The following NELL2 variants were observed in gnomAD, a reference collection of about 807,000 sequenced individuals.
NELL2 encodes the protein neural EGFL like 2.
Under a neutral mutation model 109.6 loss-of-function variants are expected in NELL2, and 41 were observed. That is an observed-to-expected ratio of 0.37 (90% CI 0.29 to 0.49). NELL2 has a LOEUF of 0.49. NELL2 is among the 20% of genes least tolerant of loss of function. The pLI is 0.98. For synonymous variants in NELL2, 355 were observed against 344.7 expected, an observed-to-expected ratio of 1.03 and a Z score of -0.33; for missense variants, 900 against 1,008.3, an observed-to-expected ratio of 0.89 and a Z score of 1.45.
chr12:44,540,001 G>T (rs191089092), intron 15 of NELL2, among the ~76,000 whole-genome samples: 22 of 152,238 alleles, frequency 1.4e-4, no homozygotes, highest in African/African-American at 4.6e-4. Flanking sequence ...TAACATGATA[G>T]TAAAATGATA....
intron 12 of NELL2, among the ~76,000 whole-genome samples, chr12:44,686,674 G>A (rs7958086): frequency 0.033 from 4,895 of 147,614 alleles, 382 homozygotes; most frequent in African/African-American, 0.12. Context: ...GTACCCGGCC[G>A]TGTGAGGTGT....
Position 44,566,650 on chromosome 12 carries a change from A to G in NELL2, c.1664-33929T>C, listed in dbSNP as rs561983422. On this transcript the variant is annotated intron_variant, in intron 15 of 19. Transcript: ENST00000429094. ...GCTGACCTGTAGCTGTAATCAGAAA[A>G]TCTGAGTTCAAATCTCGGCAATGGC... Among the ~76,000 whole-genome samples, 165 of 152,200 alleles carry G rather than the reference A, an allele frequency of 1.1e-3. 1 individual carries two copies. The highest frequency in any genetic ancestry group is 3.9e-3 in the African/African-American group (162 of 41,532).
chr12:44,621,723 G>A (rs1477369641), intron 13 of NELL2, among the ~76,000 whole-genome samples: 1 of 151,292 alleles, frequency 6.6e-6, no homozygotes, highest in Non-Finnish European at 1.5e-5. Flanking sequence ...CATCCACATA[G>A]AACCTCTTTG....
chr12:44,651,278 T>A (rs557237385), intron 13 of NELL2, among the ~76,000 whole-genome samples: 1 of 152,350 alleles, frequency 6.6e-6, no homozygotes, highest in African/African-American at 2.4e-5. Context: ...GGAATTTTTT[T>A]ATGGTAACAT....
intron 12 of NELL2, among the ~76,000 whole-genome samples, chr12:44,675,331 A>T (rs189555746): frequency 1.3e-5 from 2 of 152,140 alleles, no homozygotes; most frequent in Non-Finnish European, 2.9e-5. Flanking sequence ...AAACTTTGCA[A>T]TTCCAACAAA....
chr12:44,678,094 T>G (rs1562965), intron 12 of NELL2, among the ~76,000 whole-genome samples: 25,174 of 151,960 alleles, frequency 0.17, 2,178 homozygotes, highest in East Asian at 0.23. Context: ...TTAAAATGGA[T>G]ACCTGGGGGA....
intron 12 of NELL2, among the ~76,000 whole-genome samples, chr12:44,685,687 C>G (rs2136382936): frequency 6.6e-6 from 1 of 152,102 alleles, no homozygotes; most frequent in South Asian, 2.1e-4. Flanking sequence ...CTTAGTTTTG[C>G]TGGATATGAA....
At chr12:44,616,933 C>G (rs1234773072) in intron 13 of NELL2, among the ~76,000 whole-genome samples, 5 of 152,120 alleles carry the variant, frequency 3.3e-5, no homozygotes, top group African/African-American at 1.2e-4. Flanking sequence ...CTGAACTTGT[C>G]CACAGCACCT....
At chr12:44,837,709 G>A (rs988731807) in intron 2 of NELL2, among the ~76,000 whole-genome samples, 5 of 150,040 alleles carry the variant, frequency 3.3e-5, no homozygotes, top group Non-Finnish European at 7.4e-5. Flanking sequence ...TTCTTAAGTT[G>A]ATTCATATCT....
At chr12:44,832,325 A>G (rs1233862618) in intron 2 of NELL2, among the ~76,000 whole-genome samples, 1 of 152,232 alleles carries the variant, frequency 6.6e-6, no homozygotes, top group Non-Finnish European at 1.5e-5. Flanking sequence ...AGGCTTAGTT[A>G]AAGCAAGTAC....
chr12:44,873,026 G>A (rs1945209519), intron 2 of NELL2, among the ~76,000 whole-genome samples: 1 of 152,090 alleles, frequency 6.6e-6, no homozygotes, highest in Non-Finnish European at 1.5e-5. Context: ...CATGGCCAAA[G>A]GGCCACCTTT....
intron 1 of NELL2, among the ~76,000 whole-genome samples, chr12:44,905,172 G>A (rs1050085723): frequency 2.0e-5 from 3 of 151,998 alleles, no homozygotes; most frequent in Non-Finnish European, 4.4e-5. Context: ...TTGGATTTTG[G>A]AGAATTTCAG....
At position 44,854,155 on chromosome 12, in the gene NELL2, C is replaced by T. The variant is rs565653931; in HGVS notation, c.184+21070G>A. On this transcript the variant is annotated intron_variant, in intron 2 of 19. Transcript: ENST00000429094. ...ATTTTTTCTGGGACACTTAATGGTC[C>T]ATCAGTACAATGTGTTAGACTGTAC... 1.3e-3 allele frequency among the ~76,000 whole-genome samples: 196 copies of T among 152,252 alleles called. 1 individual carries two copies. The highest frequency in any genetic ancestry group is 4.5e-3 in the African/African-American group (189 of 41,548).
At chr12:44,854,680 A>ATGGGTGGATGGATGGGTGGATGGATGGG (rs1944627754) in intron 2 of NELL2, among the ~76,000 whole-genome samples, 1 of 145,150 alleles carries the variant, frequency 6.9e-6, no homozygotes, top group African/African-American at 2.6e-5. Flanking sequence ...GGATGGATGG[A>ATGGGTGGATGGATGGGTGGATGGATGGG]TGGGTGGATG....
At position 44,644,649 on chromosome 12, in the gene NELL2, T is replaced by TATATAC. The variant is rs143698562; in HGVS notation, c.1444+20834_1444+20835insGTATAT. On this transcript the variant is annotated intron_variant, in intron 13 of 19. Transcript: ENST00000429094. The stretch of plus-strand genomic sequence containing the variant: ...ATACATACATATATATATATATATA[T>TATATAC]ACACACACACAACACTGCATACTCA... 8.4e-4 allele frequency among the ~76,000 whole-genome samples: 109 copies of TATATAC among 129,442 alleles called. 1 individual carries two copies. Among genetic ancestry groups the TATATAC allele is most frequent in the South Asian group, 2.0e-3 (8 of 4,096 alleles). The allele number at this position is 129,442 out of a possible 152,430, so 84.9% of individuals were successfully genotyped here. A position where few individuals can be genotyped will look rare whatever the true frequency, so the allele number is the denominator to read the frequency against.
At chr12:44,834,771 A>G (rs1293830611) in intron 2 of NELL2, among the ~76,000 whole-genome samples, 1 of 152,040 alleles carries the variant, frequency 6.6e-6, no homozygotes, top group Non-Finnish European at 1.5e-5. Flanking sequence ...CTTCTCCCAC[A>G]CACACAACCT....
At chr12:44,731,982 T>C (rs1939394565) in intron 9 of NELL2, among the ~76,000 whole-genome samples, 2 of 151,842 alleles carry the variant, frequency 1.3e-5, no homozygotes, top group Non-Finnish European at 2.9e-5. Context: ...TACAATAGCA[T>C]CAATAATAAT....
intron 1 of NELL2, among the ~76,000 whole-genome samples, chr12:44,911,564 C>T (rs889916079): frequency 1.3e-5 from 2 of 151,576 alleles, no homozygotes; most frequent in African/African-American, 2.4e-5. Context: ...CTACAAAATT[C>T]GTATGGGCAT....
chr12:44,577,139 TG>T (rs1944123209), intron 15 of NELL2, among the ~76,000 whole-genome samples: 5 of 107,154 alleles, frequency 4.7e-5, no homozygotes, highest in African/African-American at 1.6e-4. Context: ...CCACAATGGT[TG>T]AACTAGTTTA....
Sources: allele counts gnomAD v4.1 joint callset (sites outside exome capture counted in the v4.1 genomes callset), GRCh38; gene constraint gnomAD v4.1.1; transcripts MANE v1.5; gene names NCBI Gene and HGNC (gene_info 2026-07-23, HGNC 2026-07-21).